The following INTU variants were observed in gnomAD, a reference collection of about 807,000 sequenced individuals.
INTU encodes the protein inturned planar cell polarity protein.
INTU carries 68 observed loss-of-function variants against 100.5 expected under a neutral mutation model. That is an observed-to-expected ratio of 0.68 (90% CI 0.56 to 0.83). The LOEUF is 0.83. Among genes scored for constraint, INTU ranks in the 40% least tolerant of loss-of-function variants. INTU has a pLI of 0.00. For missense variants in INTU, 1,071 were observed against 1,114.7 expected, an observed-to-expected ratio of 0.96 and a Z score of 0.56; for synonymous variants, 357 against 395.7, an observed-to-expected ratio of 0.90 and a Z score of 1.16.
chr4:127,650,367 T>C (rs1727791372), intron 2 of INTU, among the ~76,000 whole-genome samples: 1 of 95,250 alleles, frequency 1.0e-5, no homozygotes, highest in African/African-American at 4.0e-5. Context: ...ATGCTATCCC[T>C]CCCCCCTCCC....
At chr4:127,676,380 G>C (rs567098455) in intron 6 of INTU, among the ~76,000 whole-genome samples, 2 of 152,138 alleles carry the variant, frequency 1.3e-5, no homozygotes, top group Admixed American at 6.5e-5. Context: ...GAGCTCAGGA[G>C]TTCAAGACCA....
Position 127,706,468 on chromosome 4 carries a change from G to GTAATT in INTU, c.1789-17_1789-13dup. 1 of 1,576,292 alleles carries GTAATT rather than the reference G, an allele frequency of 6.3e-7. No homozygotes were observed. Among genetic ancestry groups the GTAATT allele is most frequent in the Non-Finnish European group, 8.6e-7 (1 of 1,159,834 alleles). ...TTTCATGGTAGCTAAACCTACATTTGTAATTTTTTTCCCTATAGAAACATT... is the reference window on the plus strand; with the variant it reads ...TTTCATGGTAGCTAAACCTACATTTGTAATTTAATTTTTTTCCCTATAGAAACATT... On this transcript the variant is annotated intron_variant, in intron 11 of 15. Coordinates refer to ENST00000335251, the MANE Select transcript of INTU (RefSeq NM_015693.4).
chr4:127,637,349 T>G (rs1727117792), intron 1 of INTU, among the ~76,000 whole-genome samples: 1 of 152,212 alleles, frequency 6.6e-6, no homozygotes, highest in African/African-American at 2.4e-5. Context: ...CTAGGTTCCT[T>G]AGGATGATTT....
Position 127,644,045 on chromosome 4 carries a change from A to G in INTU, c.671A>G (p.Gln224Arg). The change falls in exon 2 of 16, where the codon CAG becomes CGG. Residue 224 changes from glutamine (Q) to arginine (R), a missense_variant. By Grantham distance (43) the Gln-to-Arg change is conservative. Transcript: ENST00000335251. ...GGGGGATCTGCTATGAAGAGCGGTC[A>G]GGTACTCATTGGTAAGTGTTGCTGG... ...LPGGSAMKSG[Q>R]VLIGDVLVAV... is the part of the protein sequence containing the mutation. 2 of 1,611,850 alleles carry G rather than the reference A, an allele frequency of 1.2e-6. No individual in the cohort carries two copies. Among genetic ancestry groups the G allele is most frequent in the South Asian group, 1.1e-5 (1 of 90,964 alleles).
rs1269964568 is a variant in INTU, at chr4:127,725,226, GA to G, written c.*8792del. 27 of 151,644 alleles carry G rather than the reference GA, an allele frequency of 1.8e-4. No homozygotes were observed. The highest frequency in any genetic ancestry group is 6.5e-4 in the African/African-American group (27 of 41,324). The allele number at this position is 151,644 out of a possible 1,614,324, so 9.4% of individuals were successfully genotyped here. On this transcript the variant is annotated 3_prime_UTR_variant, in exon 16 of 16. Transcript: ENST00000335251. ...GGAGGCTGAGGCAGGAGAATCACTT[GA>G]ACCCAGGAAGCAGAGGCTGCAGTGA...
chr4:127,692,439 TTG>T (rs1464842421), intron 8 of INTU, among the ~76,000 whole-genome samples: 2 of 152,204 alleles, frequency 1.3e-5, no homozygotes, highest in Non-Finnish European at 2.9e-5. Flanking sequence ...ATGGGATTGT[TTG>T]TTTTTTTCTT....
chr4:127,633,057 A>G lies in INTU; in HGVS notation c.23A>G (p.Asp8Gly). The G allele has an allele frequency of 1.2e-6, 2 of 1,613,686 alleles. No homozygotes were observed. The highest frequency in any genetic ancestry group is 1.7e-6 in the Non-Finnish European group (2 of 1,179,630). Reference sequence around the variant, plus strand: ...ACGATGGCCTCTGTGGCTTCGTGCGATTCGCGTCCGAGCTCAGACGAGCTC... The same window carrying G: ...ACGATGGCCTCTGTGGCTTCGTGCGGTTCGCGTCCGAGCTCAGACGAGCTC... MASVASCDSRPSSDELPG... is the reference protein window; with the variant it reads MASVASCGSRPSSDELPG... Residue 8 changes from aspartate (D) to glycine (G), a missense_variant, in exon 1 of 16, where the codon GAT (aspartate) becomes GGT (glycine). By Grantham distance (94) the Asp-to-Gly change is moderately conservative. Coordinates refer to ENST00000335251, the MANE Select transcript of INTU (RefSeq NM_015693.4).
At chr4:127,657,493 G>A (rs1375198062) in intron 3 of INTU, among the ~76,000 whole-genome samples, 3 of 152,034 alleles carry the variant, frequency 2.0e-5, no homozygotes, top group African/African-American at 7.3e-5. Context: ...AGTGGTTCGT[G>A]GCCTGTTAGG....
intron 6 of INTU, among the ~76,000 whole-genome samples, chr4:127,681,012 A>G (rs1232370455): frequency 6.6e-6 from 1 of 151,914 alleles, no homozygotes; most frequent in Non-Finnish European, 1.5e-5. Flanking sequence ...ATTGCTTCAA[A>G]GAGAATAAAA....
Position 127,716,509 on chromosome 4 carries a change from CAA to C in INTU, c.*75_*76del, listed in dbSNP as rs1224346164. ...TGTCAGAATTGCTGAAATCAATACA[CAA>C]AGAGATAAAGTTTAGCTTCTTTTTA... On this transcript the variant is annotated 3_prime_UTR_variant, in exon 16 of 16. Coordinates refer to ENST00000335251, the MANE Select transcript of INTU (RefSeq NM_015693.4). 1.4e-5 allele frequency: 8 copies of C among 588,474 alleles called. No homozygotes were observed. Among genetic ancestry groups the C allele is most frequent in the East Asian group, 2.9e-5 (1 of 34,814 alleles). 36.5% of individuals were successfully genotyped at this position (588,474 alleles called of 1,614,324 possible). A position where few individuals can be genotyped will look rare whatever the true frequency, so the allele number is the denominator to read the frequency against.
chr4:127,681,046 G>A (rs1254401560), intron 6 of INTU, among the ~76,000 whole-genome samples: 13 of 151,528 alleles, frequency 8.6e-5, no homozygotes, highest in Non-Finnish European at 1.9e-4. Flanking sequence ...AACTTACAAG[G>A]GATGTGAAGG....
intron 6 of INTU, chr4:127,675,945 A>G: frequency 3.2e-6 from 1 of 307,710 alleles, no homozygotes; most frequent in Non-Finnish European, 7.0e-6. Flanking sequence ...TGGGGAGAGG[A>G]ATTAAGCCTC....
intron 8 of INTU, 23 bp from the exon 9 acceptor site, chr4:127,699,987 C>CTT: frequency 6.7e-7 from 1 of 1,498,718 alleles, no homozygotes; most frequent in Non-Finnish European, 9.0e-7. Context: ...GTTTATGTTA[C>CTT]TCTTTTTTTT....
rs754855833 is a variant in INTU at position 127,674,185 on chromosome 4, T to G, written c.1153T>G (p.Leu385Val). Residue 385 changes from leucine to valine, a missense_variant, in exon 6 of 16, where the codon TTG becomes GTG. By Grantham distance (32) the Leu-to-Val change is conservative. Coordinates refer to ENST00000335251, the MANE Select transcript of INTU (RefSeq NM_015693.4). ...GGCTTATTGGAAAGAATCTGACAAG[T>G]TGTTGCTAATTGGCCTGCCTGCTGA... The part of the protein sequence containing the change: ...HVAYWKESDK[L>V]LLIGLPAEEV... 1.9e-6 allele frequency: 3 copies of G among 1,612,012 alleles called. No homozygotes were observed. Among genetic ancestry groups the G allele is most frequent in the Non-Finnish European group, 2.5e-6 (3 of 1,179,072 alleles).
Position 127,723,167 on chromosome 4 carries a change from A to T in INTU, c.*6731A>T, listed in dbSNP as rs1731370943. ...ATCCTTCACCATCTCCCTTGGCTGG[A>T]CGAGGGAGTTCACTTTGCTGCGTGC... On this transcript the variant is annotated 3_prime_UTR_variant, in exon 16 of 16. Transcript: ENST00000335251. The T allele has an allele frequency of 1.3e-5, 2 of 152,278 alleles. No homozygotes were observed. Among genetic ancestry groups the T allele is most frequent in the South Asian group, 2.1e-4 (1 of 4,796 alleles). 9.4% of individuals were successfully genotyped at this position (152,278 alleles called of 1,614,324 possible).
intron 9 of INTU, among the ~76,000 whole-genome samples, chr4:127,700,561 A>G (rs1730603795): frequency 6.6e-6 from 1 of 152,158 alleles, no homozygotes; most frequent in African/African-American, 2.4e-5. Flanking sequence ...GGCTCATTCA[A>G]AATTGGGGCT....
chr4:127,644,312 T>C (rs1727472298), intron 2 of INTU, among the ~76,000 whole-genome samples: 1 of 152,224 alleles, frequency 6.6e-6, no homozygotes, highest in South Asian at 2.1e-4. Flanking sequence ...TTTTCAAGTT[T>C]TGAATTATAT....
chr4:127,644,020 G>A lies in INTU; in HGVS notation c.646G>A (p.Gly216Arg). The A allele has an allele frequency of 6.2e-7, 1 of 1,614,106 alleles. No individual in the cohort carries two copies. The highest frequency in any genetic ancestry group is 8.5e-7 in the Non-Finnish European group (1 of 1,179,958). ...ERLVVHGLLPGGSAMKSGQVL... is the reference protein window; with the variant it reads ...ERLVVHGLLPRGSAMKSGQVL... ...GCTTGTGGTTCATGGCCTGCTGCCA[G>A]GGGGATCTGCTATGAAGAGCGGTCA... is the stretch of plus-strand genomic sequence containing the variant. Residue 216 changes from glycine (G) to arginine (R), a missense_variant, in exon 2 of 16, where the codon GGG becomes AGG. Coordinates refer to ENST00000335251, the MANE Select transcript of INTU (RefSeq NM_015693.4).
chr4:127,658,728 C>A (rs1037832579), intron 3 of INTU, among the ~76,000 whole-genome samples: 1 of 152,142 alleles, frequency 6.6e-6, no homozygotes, highest in Non-Finnish European at 1.5e-5. Context: ...CAACTGTGCA[C>A]ACTTAGCAGA....
Sources: allele counts gnomAD v4.1 joint callset (sites outside exome capture counted in the v4.1 genomes callset), GRCh38; gene constraint gnomAD v4.1.1; transcripts MANE v1.5; gene names NCBI Gene and HGNC (gene_info 2026-07-23, HGNC 2026-07-21).